The following BCKDHB variants were observed in gnomAD, a reference collection of about 807,000 sequenced individuals.
The protein encoded by BCKDHB is branched chain keto acid dehydrogenase E1 subunit beta.
Under a neutral mutation model 48.5 loss-of-function variants are expected in BCKDHB, and 41 were observed. The ratio of observed to expected loss-of-function variants is 0.85; its 90% CI spans 0.66 to 1.10. The LOEUF (loss-of-function observed/expected upper bound fraction) is 1.10, where lower values mean the gene tolerates loss of function less well. BCKDHB is among the 50% of genes least tolerant of loss of function. The pLI is 0.00. For synonymous variants in BCKDHB, 201 were observed against 174.8 expected (o/e 1.15, Z -1.18); for missense variants, 496 against 494.2 (o/e 1.00, Z -0.03).
chr6:80,384,387 C>G, the BCKDHB span, among the ~76,000 whole-genome samples: 1 of 150,550 alleles, frequency 6.6e-6, no homozygotes, highest in Admixed American at 6.7e-5. Context: ...GAGATGGAGT[C>G]TCGCTCTGTC....
intron 8 of BCKDHB, among the ~76,000 whole-genome samples, chr6:80,242,340 A>G (rs1776423560): frequency 6.6e-6 from 1 of 151,914 alleles, no homozygotes; most frequent in Non-Finnish European, 1.5e-5. Context: ...TGTCCATTTT[A>G]TGTTTCTTTG....
chr6:80,151,522 T>C lies in BCKDHB; in HGVS notation c.344-16156T>C, dbSNP rs748851714. Among the ~76,000 whole-genome samples the C allele has an allele frequency of 1.1e-3, 162 of 152,098 alleles. 1 individual carries two copies. The highest frequency in any genetic ancestry group is 1.8e-3 in the Non-Finnish European group (122 of 68,018). ...GCCTGTATGTGGGCCTTTAGTTAGT[T>C]CCAGTAGCAGTGAGACTCAGATATT... On this transcript the variant is annotated intron_variant, in intron 3 of 9. Transcript: ENST00000320393.
At position 80,136,489 on chromosome 6, in the gene BCKDHB, A is replaced by C. The variant is rs138045303; in HGVS notation, c.343+7260A>C. 1.7e-3 allele frequency among the ~76,000 whole-genome samples: 265 copies of C among 152,330 alleles called. 1 individual carries two copies. The highest frequency in any genetic ancestry group is 6.0e-3 in the African/African-American group (251 of 41,594). On this transcript the variant is annotated intron_variant, in intron 3 of 9. Coordinates refer to ENST00000320393, the MANE Select transcript of BCKDHB (RefSeq NM_183050.4). The stretch of plus-strand genomic sequence containing the variant: ...AAAATAGATCACAGACTTAAATGTA[A>C]AACTATAAAACTCTTAGAAGAAAAT...
chr6:80,452,623 C>T, the BCKDHB span, among the ~76,000 whole-genome samples: 1 of 152,088 alleles, frequency 6.6e-6, no homozygotes, highest in Non-Finnish European at 1.5e-5. Context: ...TTTGTACTCA[C>T]AGAAGCATTC....
intron 9 of BCKDHB, among the ~76,000 whole-genome samples, chr6:80,278,031 G>C (rs2127971202): frequency 1.3e-5 from 2 of 152,230 alleles, no homozygotes; most frequent in Middle Eastern, 6.8e-3. Context: ...AATCTGAAAA[G>C]AGGGGAAAAG....
intron 8 of BCKDHB, among the ~76,000 whole-genome samples, chr6:80,244,400 A>G (rs1776519252): frequency 6.6e-6 from 1 of 152,272 alleles, no homozygotes; most frequent in Non-Finnish European, 1.5e-5. Context: ...GTAATATTCC[A>G]TAGAGATTCT....
chr6:80,150,849 A>G (rs1771738485), intron 3 of BCKDHB, among the ~76,000 whole-genome samples: 1 of 152,120 alleles, frequency 6.6e-6, no homozygotes, highest in African/African-American at 2.4e-5. Context: ...GAGCCACCAC[A>G]CCCAGCCTCA....
chr6:80,307,416 A>G (rs767895551), intron 9 of BCKDHB: 14 of 984,538 alleles, frequency 1.4e-5, no homozygotes, highest in Non-Finnish European at 1.6e-5. Flanking sequence ...CCAATATTAA[A>G]TCCACCTGCC....
the BCKDHB span, among the ~76,000 whole-genome samples, chr6:80,376,445 C>A: frequency 6.6e-6 from 1 of 152,188 alleles, no homozygotes; most frequent in South Asian, 2.1e-4. Flanking sequence ...ACAAGCCTCC[C>A]AGCAGAGAAA....
At chr6:80,199,335 T>C (rs1774274812) in intron 6 of BCKDHB, among the ~76,000 whole-genome samples, 1 of 152,166 alleles carries the variant, frequency 6.6e-6, no homozygotes, top group Non-Finnish European at 1.5e-5. Flanking sequence ...AAGGGCTAAC[T>C]GGGAGCCTTC....
chr6:80,174,168 A>G (rs763025460), intron 6 of BCKDHB, among the ~76,000 whole-genome samples: 2 of 152,146 alleles, frequency 1.3e-5, no homozygotes, highest in Non-Finnish European at 2.9e-5. Context: ...GTTAAAATTG[A>G]ATGGATGAAA....
the BCKDHB span, among the ~76,000 whole-genome samples, chr6:80,421,692 T>C: frequency 6.6e-6 from 1 of 152,228 alleles, no homozygotes; most frequent in Non-Finnish European, 1.5e-5. Flanking sequence ...GGTGGCATTT[T>C]GCTCCTGCCC....
chr6:80,405,142 T>TC, the BCKDHB span, among the ~76,000 whole-genome samples: 1 of 152,128 alleles, frequency 6.6e-6, no homozygotes, highest in Non-Finnish European at 1.5e-5. Flanking sequence ...GGTATTTAAG[T>TC]CCCCTACTAT....
the BCKDHB span, among the ~76,000 whole-genome samples, chr6:80,379,390 C>T: frequency 1.2e-3 from 176 of 152,082 alleles, 1 homozygote; most frequent in Non-Finnish European, 5.3e-4. Flanking sequence ...TGCAACATAA[C>T]ATCACTTCAT....
intron 8 of BCKDHB, among the ~76,000 whole-genome samples, chr6:80,239,583 CTG>C (rs1234864835): frequency 1.1e-4 from 17 of 152,160 alleles, no homozygotes; most frequent in African/African-American, 4.1e-4. Context: ...GTCTCCTTTG[CTG>C]TGCAGAAGCT....
chr6:80,444,379 T>C, the BCKDHB span, among the ~76,000 whole-genome samples: 3 of 152,192 alleles, frequency 2.0e-5, no homozygotes, highest in African/African-American at 7.2e-5. Context: ...AATGTAAACA[T>C]GTTACGCCAT....
the BCKDHB span, among the ~76,000 whole-genome samples, chr6:80,359,151 T>A: frequency 2.0e-5 from 3 of 152,198 alleles, no homozygotes; most frequent in African/African-American, 4.8e-5. Context: ...TCCTTGCGCA[T>A]CATTCTGCTC....
At chr6:80,461,150 C>G in the BCKDHB span, among the ~76,000 whole-genome samples, 1 of 152,154 alleles carries the variant, frequency 6.6e-6, no homozygotes, top group Non-Finnish European at 1.5e-5. Flanking sequence ...CAACACCTCA[C>G]TAGATTTTTT....
At chr6:80,257,472 A>G (rs1777102391) in intron 8 of BCKDHB, among the ~76,000 whole-genome samples, 1 of 150,634 alleles carries the variant, frequency 6.6e-6, no homozygotes, top group Non-Finnish European at 1.5e-5. Flanking sequence ...TCTAATAAAT[A>G]ATGTAACAGT....
Sources: gnomAD v4.1 joint callset for allele counts (sites outside exome capture counted in the v4.1 genomes callset) on GRCh38, gnomAD v4.1.1 for gene constraint, MANE v1.5 for transcripts, NCBI Gene and HGNC (gene_info 2026-07-23, HGNC 2026-07-21) for gene names.